ANKRD46: variants seen among roughly 807,000 people sequenced by gnomAD.
ANKRD46 encodes the protein ankyrin repeat domain-containing protein 46.
Under a neutral mutation model 19.8 loss-of-function variants are expected in ANKRD46, and 13 were observed. The observed-to-expected ratio is 0.66, with a 90% CI of 0.43 to 1.04. The LOEUF (loss-of-function observed/expected upper bound fraction) is 1.04, where lower values mean the gene tolerates loss of function less well. ANKRD46 is among the 50% of genes least tolerant of loss of function. The pLI is 0.00. For missense variants in ANKRD46, 185 were observed against 274.8 expected, an observed-to-expected ratio of 0.67 and a Z score of 2.31; for synonymous variants, 91 against 106.9, an observed-to-expected ratio of 0.85 and a Z score of 0.92.
Position 100,550,527 on chromosome 8 carries a change from CT to C in ANKRD46, c.-131+9183del, listed in dbSNP as rs34381045. 5.6e-4 allele frequency: 82 copies of C among 145,216 alleles called. No homozygotes were observed. The highest frequency in any genetic ancestry group is 7.0e-3 in the Middle Eastern group (2 of 284). 9.0% of individuals were successfully genotyped at this position (145,216 alleles called of 1,614,324 possible). A position where few individuals can be genotyped will look rare whatever the true frequency, so the allele number is the denominator to read the frequency against. ...TAAAATCAGGTTGTTCATTTTCTAT[CT>C]TTTTTTTTTTTTTGAGTACAGAGGA... On this transcript the variant is annotated intron_variant, in intron 1 of 4. Transcript: ENST00000335659. This position sits in a 1 kb window ranked among gnomAD's most constrained non-coding sequence, Gnocchi z 4.4.
chr8:100,543,642 A>C lies in ANKRD46; in HGVS notation c.-130-10331T>G, dbSNP rs181516015. Among the ~76,000 whole-genome samples the C allele has an allele frequency of 5.9e-5, 9 of 152,324 alleles. No homozygotes were observed. Among genetic ancestry groups the C allele is most frequent in the African/African-American group, 2.2e-4 (9 of 41,592 alleles). ...AAGTTTCTTGTTTTTAAATAAATAAATTACACTCTCAGGATTGACGAGCTT... is the reference window on the plus strand; with the variant it reads ...AAGTTTCTTGTTTTTAAATAAATAACTTACACTCTCAGGATTGACGAGCTT... On this transcript the variant is annotated intron_variant, in intron 1 of 4. Coordinates refer to ENST00000335659, the MANE Select transcript of ANKRD46 (RefSeq NM_001270377.2). This position sits in a 1 kb window ranked among gnomAD's most constrained non-coding sequence, Gnocchi z 4.2.
chr8:100,521,064 AAAGC>A lies in ANKRD46; in HGVS notation c.*1487_*1490del. ...ATTTACTTTGTTTGTATCTAACCTA[AAAGC>A]AAGACTCTGCAAGCTGATCCTGAAG... On this transcript the variant is annotated 3_prime_UTR_variant, in exon 5 of 5. Transcript: ENST00000335659. 6 of 982,002 alleles carry A rather than the reference AAAGC, an allele frequency of 6.1e-6. No individual in the cohort carries two copies. The South Asian group carries it at 1.4e-4, about 23-fold the overall frequency. 60.8% of individuals were successfully genotyped at this position (982,002 alleles called of 1,614,324 possible). A position where few individuals can be genotyped will look rare whatever the true frequency, so the allele number is the denominator to read the frequency against.
rs1288983142 is a variant in ANKRD46, at chr8:100,525,500, A to G, written c.470+2345T>C. Reference sequence around the variant, plus strand: ...CTGGACATTTCACATAAACAGAATCATGTAATATGTGGCCTTTTGTGCCTG... The same window carrying G: ...CTGGACATTTCACATAAACAGAATCGTGTAATATGTGGCCTTTTGTGCCTG... On this transcript the variant is annotated intron_variant, in intron 4 of 4. Coordinates refer to ENST00000335659, the MANE Select transcript of ANKRD46 (RefSeq NM_001270377.2). The surrounding 1 kb of genome is among the most constrained non-coding windows in gnomAD (Gnocchi z 4.4). Among the ~76,000 whole-genome samples, 1 of 152,232 alleles carries G rather than the reference A, an allele frequency of 6.6e-6. No homozygotes were observed. The highest frequency in any genetic ancestry group is 1.9e-4 in the East Asian group (1 of 5,206).
Position 100,522,663 on chromosome 8 carries a change from C to G in ANKRD46, c.579G>C (p.Trp193Cys). Residue 193 changes from tryptophan to cysteine, a missense_variant, in exon 5 of 5, where the codon TGG (tryptophan) becomes TGC (cysteine). Coordinates refer to ENST00000335659, the MANE Select transcript of ANKRD46 (RefSeq NM_001270377.2). The stretch of plus-strand genomic sequence containing the variant: ...TGACGAAGATCAACAGCAATACTCT[C>G]CAGAAGCCCAGATCCTCCACAAACT... ...WQEFVEDLGFWRVLLLIFVIA... is the reference protein window; with the variant it reads ...WQEFVEDLGFCRVLLLIFVIA... 1 of 1,614,122 alleles carries G rather than the reference C, an allele frequency of 6.2e-7. No homozygotes were observed. Among genetic ancestry groups the G allele is most frequent in the Non-Finnish European group, 8.5e-7 (1 of 1,180,032 alleles).
Position 100,527,130 on chromosome 8 carries a change from T to C in ANKRD46, c.470+715A>G, listed in dbSNP as rs1811857479. ...GCCACCTTTTTGGAGCTCTCTGAAC[T>C]GCATTCTCCATTGCTTCTAGATGAG... On this transcript the variant is annotated intron_variant, in intron 4 of 4. Transcript: ENST00000335659. The surrounding 1 kb of genome is among the most constrained non-coding windows in gnomAD (Gnocchi z 4.0). 6.6e-6 allele frequency among the ~76,000 whole-genome samples: 1 copy of C among 152,216 alleles called. No homozygotes were observed.
intron 2 of ANKRD46, among the ~76,000 whole-genome samples, chr8:100,530,336 T>A (rs544632763): frequency 2.1e-3 from 316 of 152,332 alleles, no homozygotes; most frequent in African/African-American, 7.5e-3. Flanking sequence ...ACTACTTGCA[T>A]GAAAAGAACT....
intron 1 of ANKRD46, chr8:100,551,010 CAGA>C (rs970349703): frequency 1.3e-4 from 66 of 526,120 alleles, no homozygotes; most frequent in African/African-American, 1.2e-3. Context: ...AACACGTTTG[CAGA>C]AGGACACGGA....
intron 1 of ANKRD46, among the ~76,000 whole-genome samples, chr8:100,547,396 G>A (rs1812293901): frequency 6.6e-6 from 1 of 152,162 alleles, no homozygotes; most frequent in Non-Finnish European, 1.5e-5. Flanking sequence ...TGTCATGTAA[G>A]ATGTGCCTTG....
downstream of ANKRD46, among the ~76,000 whole-genome samples, chr8:100,517,905 A>G (rs1364385250): frequency 6.6e-6 from 1 of 152,242 alleles, no homozygotes; most frequent in Admixed American, 6.5e-5. Flanking sequence ...AGATGACTAC[A>G]TAAGGCTGGG....
chr8:100,528,966 G>A (rs1811901117), intron 3 of ANKRD46, among the ~76,000 whole-genome samples: 1 of 152,124 alleles, frequency 6.6e-6, no homozygotes, highest in Admixed American at 6.5e-5. Flanking sequence ...GTCTAAAAAG[G>A]ATCCTGGACT....
At position 100,534,068 on chromosome 8, in the gene ANKRD46, A is replaced by G. The variant is rs1812016203; in HGVS notation, c.-130-757T>C. 6.6e-6 allele frequency among the ~76,000 whole-genome samples: 1 copy of G among 152,250 alleles called. No homozygotes were observed. Among genetic ancestry groups the G allele is most frequent in the African/African-American group, 2.4e-5 (1 of 41,480 alleles). On this transcript the variant is annotated intron_variant, in intron 1 of 4. Coordinates refer to ENST00000335659, the MANE Select transcript of ANKRD46 (RefSeq NM_001270377.2). This position sits in a 1 kb window ranked among gnomAD's most constrained non-coding sequence, Gnocchi z 4.2. ...ATAGCAATATTAGTTCATGAAACAA[A>G]CATTCACTGTGTGCCTGCAATGTGC...
chr8:100,529,844 T>C lies in ANKRD46; in HGVS notation c.-11A>G, dbSNP rs1811921768. On this transcript the variant is annotated 5_prime_UTR_variant, in exon 3 of 5. Transcript: ENST00000335659. This position sits in a 1 kb window ranked among gnomAD's most constrained non-coding sequence, Gnocchi z 5.8. ...AAAAACATACGACATTGTTCTGATG[T>C]GGTGGATGGAACACGCCTGTAATGA... 1 of 1,611,674 alleles carries C rather than the reference T, an allele frequency of 6.2e-7. No individual in the cohort carries two copies. Among genetic ancestry groups the C allele is most frequent in the Non-Finnish European group, 8.5e-7 (1 of 1,178,116 alleles).
Position 100,521,939 on chromosome 8 carries a change from A to G in ANKRD46, c.*616T>C, listed in dbSNP as rs1027445969. The G allele has an allele frequency of 1.9e-5, 19 of 981,760 alleles. No homozygotes were observed. Among genetic ancestry groups the G allele is most frequent in the Non-Finnish European group, 1.9e-5 (16 of 826,702 alleles). 60.8% of individuals were successfully genotyped at this position (981,760 alleles called of 1,614,324 possible). A position where few individuals can be genotyped will look rare whatever the true frequency, so the allele number is the denominator to read the frequency against. ...AAAATTATCCTAAAAACAAATAAAT[A>G]TAAGATCAAATCAATTATCTTTGAA... On this transcript the variant is annotated 3_prime_UTR_variant, in exon 5 of 5. Coordinates refer to ENST00000335659, the MANE Select transcript of ANKRD46 (RefSeq NM_001270377.2).
At position 100,540,158 on chromosome 8, in the gene ANKRD46, AG is replaced by A. The variant is rs1255396655; in HGVS notation, c.-130-6848del. ...ATTTAATCCTCATAGAAACCCTACA[AG>A]GTACATGCATACTATCACTATACTC... is the stretch of plus-strand genomic sequence containing the variant. On this transcript the variant is annotated intron_variant, in intron 1 of 4. Coordinates refer to ENST00000335659, the MANE Select transcript of ANKRD46 (RefSeq NM_001270377.2). Among the ~76,000 whole-genome samples the A allele has an allele frequency of 1.3e-5, 2 of 152,064 alleles. 1 individual carries two copies. Among genetic ancestry groups the A allele is most frequent in the African/African-American group, 4.8e-5 (2 of 41,426 alleles).
chr8:100,521,125 A>G lies in ANKRD46; in HGVS notation c.*1430T>C, dbSNP rs773170968. ...GTTACTCAGGAATTTTACAACAGCT[A>G]TTAAAGAGAGGATAAAGCCACATGA... On this transcript the variant is annotated 3_prime_UTR_variant, in exon 5 of 5. Coordinates refer to ENST00000335659, the MANE Select transcript of ANKRD46 (RefSeq NM_001270377.2). 9.4e-5 allele frequency: 93 copies of G among 985,038 alleles called. No homozygotes were observed. In the Middle Eastern group the frequency reaches 1.5e-3, roughly 16 times the overall value. The allele number at this position is 985,038 out of a possible 1,614,324, so 61.0% of individuals were successfully genotyped here. A position where few individuals can be genotyped will look rare whatever the true frequency, so the allele number is the denominator to read the frequency against.
Position 100,521,672 on chromosome 8 carries a change from A to C in ANKRD46, c.*883T>G. On this transcript the variant is annotated 3_prime_UTR_variant, in exon 5 of 5. Transcript: ENST00000335659. ...AATTATGAACTATGATAAAACTGTG[A>C]CAACACAGCTAGCTTATAGAACTGA... The C allele has an allele frequency of 2.0e-6, 2 of 985,450 alleles. No homozygotes were observed. The highest frequency in any genetic ancestry group is 9.4e-5 in the South Asian group (2 of 21,286). 61.0% of individuals were successfully genotyped at this position (985,450 alleles called of 1,614,324 possible).
At chr8:100,551,721 T>C in intron 1 of ANKRD46, 1 of 593,650 alleles carries the variant, frequency 1.7e-6, no homozygotes, top group South Asian at 1.5e-5. Flanking sequence ...CATGATGTCT[T>C]AGAGACATGG....
rs190735764 is a variant in ANKRD46 at position 100,521,860 on chromosome 8, A to G, written c.*695T>C. The G allele has an allele frequency of 8.1e-6, 8 of 985,150 alleles. No homozygotes were observed. Among genetic ancestry groups the G allele is most frequent in the East Asian group, 2.3e-4 (2 of 8,824 alleles). The allele number at this position is 985,150 out of a possible 1,614,324, so 61.0% of individuals were successfully genotyped here. On this transcript the variant is annotated 3_prime_UTR_variant, in exon 5 of 5. Transcript: ENST00000335659. ...GGAAAATTGGAAAGTGAACAAAATG[A>G]ACTCATTTATTTTTCACAGATATTA...
downstream of ANKRD46, among the ~76,000 whole-genome samples, chr8:100,516,576 T>A (rs560568141): frequency 2.2e-4 from 33 of 152,240 alleles, no homozygotes; most frequent in South Asian, 6.8e-3. Flanking sequence ...AAACTAAAGA[T>A]AAGGATTTAA....
Sources: allele counts gnomAD v4.1 joint callset (sites outside exome capture counted in the v4.1 genomes callset), GRCh38; gene constraint gnomAD v4.1.1; non-coding constraint Gnocchi (gnomAD v3.1); transcripts MANE v1.5; gene names NCBI Gene and HGNC (gene_info 2026-07-23, HGNC 2026-07-21).